MTNR1B: variants seen among roughly 807,000 people sequenced by gnomAD.
MTNR1B encodes the protein melatonin receptor 1B, also known as melatonin receptor type 1B.
MTNR1B carries 7 observed loss-of-function variants against 7.0 expected under a neutral mutation model. That is an observed-to-expected ratio of 1.00 (90% confidence interval 0.57 to 1.88). The LOEUF (loss-of-function observed/expected upper bound fraction) is 1.88, where lower values mean the gene tolerates loss of function less well. Ranked by LOEUF, MTNR1B falls within the 40% of genes most tolerant of loss-of-function variation. The pLI is 0.00. For synonymous variants in MTNR1B, 226 were observed against 208.2 expected (o/e 1.09, Z -0.74); for missense variants, 478 against 486.5 (o/e 0.98, Z 0.16).
intron 1 of MTNR1B, among the ~76,000 whole-genome samples, chr11:92,975,424 A>G (rs766221561): frequency 6.6e-6 from 1 of 152,218 alleles, no homozygotes; most frequent in Non-Finnish European, 1.5e-5. Flanking sequence ...AAGATTGCCT[A>G]GGAAAACATG....
Position 92,981,845 on chromosome 11 carries a change from C to T in MTNR1B, c.622C>T (p.His208Tyr). Reference protein sequence around the residue: ...TQYTAAVVVIHFLLPIAVVSF... With the variant: ...TQYTAAVVVIYFLLPIAVVSF... ...GTACACGGCGGCAGTGGTGGTCATC[C>T]ACTTCCTCCTCCCTATCGCTGTCGT... Residue 208 changes from histidine (H) to tyrosine (Y), a missense_variant, in exon 2 of 2, where the codon CAC (histidine) becomes TAC (tyrosine). By Grantham distance (83) the His-to-Tyr change is moderately conservative. Transcript: ENST00000257068. 1 of 1,614,244 alleles carries T rather than the reference C, an allele frequency of 6.2e-7. No homozygotes were observed. The highest frequency in any genetic ancestry group is 8.5e-7 in the Non-Finnish European group (1 of 1,180,046).
chr11:92,969,955 A>G lies in MTNR1B; in HGVS notation c.223+7A>G, dbSNP rs1857899002. 1.2e-6 allele frequency: 2 copies of G among 1,600,618 alleles called. No individual in the cohort carries two copies. Among genetic ancestry groups the G allele is most frequent in the African/African-American group, 2.7e-5 (2 of 74,498 alleles). On this transcript the variant is annotated splice_region_variant and intron_variant, in intron 1 of 1. Coordinates refer to ENST00000257068, the MANE Select transcript of MTNR1B (RefSeq NM_005959.5). ...CGCAAGCTCCGGAACGCAGGTGAGC[A>G]CCATTCCTGATGCTGGGTGCTGGCA...
At chr11:92,971,236 C>T (rs1343143841) in intron 1 of MTNR1B, among the ~76,000 whole-genome samples, 1 of 152,164 alleles carries the variant, frequency 6.6e-6, no homozygotes, top group Admixed American at 6.5e-5. Context: ...GCTGGAATTA[C>T]AGGCATGAGC....
chr11:92,970,418 T>C (rs1186168987), intron 1 of MTNR1B, among the ~76,000 whole-genome samples: 2 of 152,242 alleles, frequency 1.3e-5, no homozygotes, highest in Non-Finnish European at 2.9e-5. Flanking sequence ...TGGAAGCATT[T>C]CAGTAGGTTT....
At chr11:92,970,963 AT>A (rs900471273) in intron 1 of MTNR1B, among the ~76,000 whole-genome samples, 40 of 147,864 alleles carry the variant, frequency 2.7e-4, no homozygotes, top group Non-Finnish European at 2.3e-4. Flanking sequence ...GACTCTAGAA[AT>A]TTTTTTTTTT....
At chr11:92,983,035 G>A (rs1237180683), downstream of MTNR1B, among the ~76,000 whole-genome samples, 1 of 147,766 alleles carries the variant, frequency 6.8e-6, no homozygotes, top group Non-Finnish European at 1.5e-5. Context: ...TGTTCAGGTT[G>A]TGTGACTTGG....
chr11:92,984,447 G>A (rs1340867052), downstream of MTNR1B, among the ~76,000 whole-genome samples: 1 of 127,510 alleles, frequency 7.8e-6, no homozygotes, highest in African/African-American at 3.1e-5. Context: ...CCAGAGAGGT[G>A]CAGAAGAGTC....
chr11:92,972,667 C>T (rs961885990), intron 1 of MTNR1B: 2 of 389,320 alleles, frequency 5.1e-6, no homozygotes, highest in South Asian at 1.9e-5. Flanking sequence ...TGGCACCTCA[C>T]GCCTGTCAGA....
rs1858111559 is a variant in MTNR1B at position 92,981,843 on chromosome 11, T to C, written c.620T>C (p.Ile207Thr). 3 of 1,614,100 alleles carry C rather than the reference T, an allele frequency of 1.9e-6. No individual in the cohort carries two copies. The highest frequency in any genetic ancestry group is 1.3e-5 in the African/African-American group (1 of 74,934). ...CAGTACACGGCGGCAGTGGTGGTCA[T>C]CCACTTCCTCCTCCCTATCGCTGTC... Reference protein sequence around the residue: ...STQYTAAVVVIHFLLPIAVVS... With the variant: ...STQYTAAVVVTHFLLPIAVVS... The change falls in exon 2 of 2, where the codon ATC (isoleucine) becomes ACC (threonine). Residue 207 changes from isoleucine (I) to threonine (T), a missense_variant. Ile to Thr is a moderately conservative substitution (Grantham distance 89). Transcript: ENST00000257068.
chr11:92,974,458 C>T (rs1166931161), intron 1 of MTNR1B, among the ~76,000 whole-genome samples: 1 of 152,152 alleles, frequency 6.6e-6, no homozygotes, highest in Non-Finnish European at 1.5e-5. Flanking sequence ...TTGGGTATGT[C>T]TTTTGTTGTT....
rs185167892 is a variant in MTNR1B at position 92,981,719 on chromosome 11, C to A, written c.496C>A (p.Leu166Ile). Residue 166 changes from leucine (L) to isoleucine (I), a missense_variant, in exon 2 of 2, where the codon CTC (leucine) becomes ATC (isoleucine). Leu to Ile is a conservative substitution (Grantham distance 5). Transcript: ENST00000257068. ...CCCTCTGCACATCTGCCTCATCTGGCTCCTCACCGTGGTGGCCTTGCTGCC... is the reference window on the plus strand; with the variant it reads ...CCCTCTGCACATCTGCCTCATCTGGATCCTCACCGTGGTGGCCTTGCTGCC... ...HTPLHICLIW[L>I]LTVVALLPNF... 74 of 1,614,142 alleles carry A rather than the reference C, an allele frequency of 4.6e-5. 1 individual carries two copies. The South Asian group carries it at 7.8e-4, about 17-fold the overall frequency.
At chr11:92,984,925 A>C (rs941145441), downstream of MTNR1B, 4 of 456,150 alleles carry the variant, frequency 8.8e-6, no homozygotes, top group African/African-American at 8.0e-5. Context: ...GATTGTAAAT[A>C]AAAATGCTTT....
At chr11:92,984,734 C>A (rs1591909576), downstream of MTNR1B, 1 of 376,720 alleles carries the variant, frequency 2.7e-6, no homozygotes, top group South Asian at 2.0e-5. Context: ...TTCCTGGGCC[C>A]ATAGCTGTTA....
downstream of MTNR1B, among the ~76,000 whole-genome samples, chr11:92,984,198 C>T (rs1251673974): frequency 6.6e-6 from 1 of 152,146 alleles, no homozygotes; most frequent in African/African-American, 2.4e-5. Flanking sequence ...TCTTTCTGGC[C>T]TTGCAATGTG....
At chr11:92,971,279 T>TA (rs902598776) in intron 1 of MTNR1B, among the ~76,000 whole-genome samples, 2 of 152,050 alleles carry the variant, frequency 1.3e-5, no homozygotes, top group Admixed American at 6.5e-5. Flanking sequence ...GATTTTTAGC[T>TA]AAAAAAACAA....
intron 1 of MTNR1B, among the ~76,000 whole-genome samples, chr11:92,972,122 A>ATAGTT (rs1857936320): frequency 6.6e-6 from 1 of 152,198 alleles, no homozygotes; most frequent in African/African-American, 2.4e-5. Context: ...AGCTCTTTGA[A>ATAGTT]TAGTTAGCAC....
intron 1 of MTNR1B, among the ~76,000 whole-genome samples, chr11:92,975,970 C>G (rs78254417): frequency 6.6e-6 from 1 of 152,202 alleles, no homozygotes; most frequent in African/African-American, 2.4e-5. Flanking sequence ...TTAAGCTGTC[C>G]AACTTTGCAT....
chr11:92,976,006 C>A (rs575714319), intron 1 of MTNR1B, among the ~76,000 whole-genome samples: 1 of 152,312 alleles, frequency 6.6e-6, no homozygotes, highest in African/African-American at 2.4e-5. Flanking sequence ...CTTATTGCCT[C>A]TTCACTGAGC....
intron 1 of MTNR1B, among the ~76,000 whole-genome samples, chr11:92,976,894 T>C (rs1294460969): frequency 6.6e-6 from 1 of 152,212 alleles, no homozygotes; most frequent in Non-Finnish European, 1.5e-5. Context: ...AAAACAGAAA[T>C]CATGCTGTCA....
Sources: gnomAD v4.1 joint callset for allele counts (sites outside exome capture counted in the v4.1 genomes callset) on GRCh38, gnomAD v4.1.1 for gene constraint, MANE v1.5 for transcripts, NCBI Gene and HGNC (gene_info 2026-07-23, HGNC 2026-07-21) for gene names.